FRMD3: variants seen among roughly 807,000 people sequenced by gnomAD.
FRMD3 encodes FERM domain-containing protein 3.
A neutral mutation model predicts 70.2 loss-of-function variants in FRMD3; 33 were observed. The ratio of observed to expected loss-of-function variants is 0.47; its 90% CI spans 0.36 to 0.63. The LOEUF is 0.63. Ranked by LOEUF, FRMD3 falls within the 20% of genes least tolerant of loss-of-function variation. The pLI, the probability that FRMD3 is intolerant of heterozygous loss-of-function variation, is 0.00. For synonymous variants in FRMD3, 279 were observed against 255.9 expected (o/e 1.09, Z -0.86); for missense variants, 632 against 711.4 (o/e 0.89, Z 1.27).
intron 1 of FRMD3, among the ~76,000 whole-genome samples, chr9:83,447,864 A>C (rs542641856): frequency 6.6e-6 from 1 of 152,226 alleles, no homozygotes; most frequent in Non-Finnish European, 1.5e-5. Flanking sequence ...CAAGTTTCTT[A>C]ATTTAAAAAA....
At position 83,516,172 on chromosome 9, in the gene FRMD3, G is replaced by T. The variant is rs548218184; in HGVS notation, c.147+21913C>A. ...ATGCCCCAATTAAAAGACACAGACT[G>T]GCAAATTTGGATAGAGTCACGACCC... On this transcript the variant is annotated intron_variant, in intron 1 of 13. Coordinates refer to ENST00000304195, the MANE Select transcript of FRMD3 (RefSeq NM_174938.6). Among the ~76,000 whole-genome samples, 9 of 152,144 alleles carry T rather than the reference G, an allele frequency of 5.9e-5. No homozygotes were observed. The East Asian group carries it at 1.5e-3, about 26-fold the overall frequency.
At chr9:83,549,012 G>C in the FRMD3 span, among the ~76,000 whole-genome samples, 1 of 151,746 alleles carries the variant, frequency 6.6e-6, no homozygotes, top group Non-Finnish European at 1.5e-5. Flanking sequence ...AGATAATCAT[G>C]TGTCATGAGG....
At chr9:83,373,768 G>A (rs1825056756) in intron 2 of FRMD3, among the ~76,000 whole-genome samples, 2 of 152,104 alleles carry the variant, frequency 1.3e-5, no homozygotes, top group South Asian at 4.1e-4. Flanking sequence ...GATGATACAG[G>A]GGGTGTCCTG....
At chr9:83,512,004 C>T (rs758350149) in intron 1 of FRMD3, among the ~76,000 whole-genome samples, 6 of 152,154 alleles carry the variant, frequency 3.9e-5, no homozygotes, top group Non-Finnish European at 7.3e-5. Context: ...TGGACAGACT[C>T]AGGTTCAAAT....
At chr9:83,371,608 C>T (rs3928782) in intron 3 of FRMD3, among the ~76,000 whole-genome samples, 4,762 of 152,258 alleles carry the variant, frequency 0.031, 271 homozygotes, top group African/African-American at 0.11. Context: ...GAGCCTGGCC[C>T]GTCCTATTAT....
chr9:83,372,688 G>T (rs35283265), intron 3 of FRMD3, among the ~76,000 whole-genome samples: 6 of 150,554 alleles, frequency 4.0e-5, no homozygotes, highest in African/African-American at 1.2e-4. Flanking sequence ...AGGGCAAGAT[G>T]GGGGGGAGGG....
At chr9:83,574,947 T>C in the FRMD3 span, among the ~76,000 whole-genome samples, 1 of 152,162 alleles carries the variant, frequency 6.6e-6, no homozygotes, top group Non-Finnish European at 1.5e-5. Flanking sequence ...GTTCACTGGG[T>C]ACTAACAGGG....
At chr9:83,525,635 A>G (rs1829669519) in intron 1 of FRMD3, among the ~76,000 whole-genome samples, 1 of 152,190 alleles carries the variant, frequency 6.6e-6, no homozygotes, top group South Asian at 2.1e-4. Flanking sequence ...TAGAAAGAAA[A>G]TCGTATGCTT....
intron 6 of FRMD3, among the ~76,000 whole-genome samples, chr9:83,324,299 CAA>C (rs1338025103): frequency 6.6e-6 from 1 of 152,020 alleles, no homozygotes; most frequent in African/African-American, 2.4e-5. Flanking sequence ...AAAAGCAAAA[CAA>C]GAGAATAAGC....
At chr9:83,487,823 G>A (rs1448418939) in intron 1 of FRMD3, among the ~76,000 whole-genome samples, 1 of 152,098 alleles carries the variant, frequency 6.6e-6, no homozygotes, top group African/African-American at 2.4e-5. Context: ...GAATAGGCTT[G>A]GGATTTTGGT....
At chr9:83,343,156 A>G in intron 5 of FRMD3, 34 bp downstream of exon 5, 4 of 1,438,316 alleles carry the variant, frequency 2.8e-6, no homozygotes, top group Non-Finnish European at 3.9e-6. Flanking sequence ...TCCACAGTGC[A>G]AAGGTGGCGT....
At chr9:83,417,152 C>T (rs1297387666) in intron 1 of FRMD3, among the ~76,000 whole-genome samples, 1 of 152,184 alleles carries the variant, frequency 6.6e-6, no homozygotes. Flanking sequence ...ATATCATTAG[C>T]TTTTGGTCCA....
At chr9:83,308,637 G>T (rs900003632) in intron 10 of FRMD3, among the ~76,000 whole-genome samples, 2 of 152,202 alleles carry the variant, frequency 1.3e-5, no homozygotes, top group Non-Finnish European at 2.9e-5. Context: ...TCTCAGAGAA[G>T]AAGGTGTAAC....
At chr9:83,533,711 T>C (rs1283545236) in intron 1 of FRMD3, among the ~76,000 whole-genome samples, 1 of 152,206 alleles carries the variant, frequency 6.6e-6, no homozygotes, top group Non-Finnish European at 1.5e-5. Flanking sequence ...GACTCTGCGG[T>C]GAACATCAGA....
intron 13 of FRMD3, among the ~76,000 whole-genome samples, chr9:83,284,423 C>T (rs1456116546): frequency 6.6e-6 from 1 of 152,130 alleles, no homozygotes; most frequent in African/African-American, 2.4e-5. Context: ...CCCTGGCCAA[C>T]GTGGTGAAAC....
chr9:83,414,073 C>G (rs1826360528), intron 1 of FRMD3, among the ~76,000 whole-genome samples: 1 of 152,146 alleles, frequency 6.6e-6, no homozygotes, highest in African/African-American at 2.4e-5. Context: ...CACACACACA[C>G]ACACACGAAT....
At chr9:83,566,818 G>A in the FRMD3 span, among the ~76,000 whole-genome samples, 4 of 152,304 alleles carry the variant, frequency 2.6e-5, no homozygotes, top group South Asian at 8.3e-4. Context: ...CGCCCCTGTG[G>A]CTTTGCAGGG....
rs537621177 is a variant in FRMD3 at position 83,406,617 on chromosome 9, C to T, written c.148-16909G>A. 9.9e-4 allele frequency among the ~76,000 whole-genome samples: 151 copies of T among 152,344 alleles called. 1 individual carries two copies. The highest frequency in any genetic ancestry group is 2.0e-3 in the Non-Finnish European group (136 of 68,026). ...TGATGATAACCCTCCCAGATCAGAA[C>T]GTAACTTTCAACCCACGAGTGCTGC... On this transcript the variant is annotated intron_variant, in intron 1 of 13. Transcript: ENST00000304195.
chr9:83,493,083 T>C (rs1470595715), intron 1 of FRMD3, among the ~76,000 whole-genome samples: 2 of 152,120 alleles, frequency 1.3e-5, no homozygotes, highest in Non-Finnish European at 2.9e-5. Flanking sequence ...TCTCCCTGTG[T>C]CTGTGAACAC....
Sources: allele counts gnomAD v4.1 joint callset (sites outside exome capture counted in the v4.1 genomes callset), GRCh38; gene constraint gnomAD v4.1.1; transcripts MANE v1.5; gene names NCBI Gene and HGNC (gene_info 2026-07-23, HGNC 2026-07-21).